The following NTN1 variants were observed in gnomAD, a reference collection of about 807,000 sequenced individuals.
NTN1 encodes the protein netrin 1.
In NTN1, 11 loss-of-function variants were observed where a neutral mutation model predicts 54.2. The ratio of observed to expected loss-of-function variants is 0.20; its 90% CI spans 0.13 to 0.34. NTN1 has a LOEUF of 0.34. NTN1 is among the 10% of genes least tolerant of loss of function. The pLI, the probability that NTN1 is intolerant of heterozygous loss-of-function variation, is 1.00. For missense variants in NTN1, 740 were observed against 893.1 expected, an observed-to-expected ratio of 0.83 and a Z score of 2.18; for synonymous variants, 371 against 382.0, an observed-to-expected ratio of 0.97 and a Z score of 0.33.
At chr17:9,006,965 C>G in the NTN1 span, among the ~76,000 whole-genome samples, 1 of 152,264 alleles carries the variant, frequency 6.6e-6, no homozygotes, top group African/African-American at 2.4e-5. Context: ...CCACCGCCAT[C>G]ATGGCCTCAC....
Position 9,223,358 on chromosome 17 carries a change from C to T in NTN1, c.1486+2116C>T, listed in dbSNP as rs183130030. On this transcript the variant is annotated intron_variant, in intron 6 of 6. Coordinates refer to ENST00000173229, the MANE Select transcript of NTN1 (RefSeq NM_004822.3). ...CCTGAGGGTGAATATTTGAGACCAG[C>T]CTGGCCAACATGATGAAACCTGGTC... is the stretch of plus-strand genomic sequence containing the variant. 9.2e-5 allele frequency among the ~76,000 whole-genome samples: 14 copies of T among 152,190 alleles called. No homozygotes were observed. The East Asian group carries it at 2.7e-3, about 29-fold the overall frequency.
At chr17:9,106,472 CCTTCCTTCCTTCCTTCCTT>C (rs1567711909) in intron 2 of NTN1, among the ~76,000 whole-genome samples, 626 of 16,796 alleles carry the variant, frequency 0.037, 7 homozygotes, top group East Asian at 0.21. Context: ...TTCCTCCCTT[CCTTCCTTCCTTCCTTCCTT>C]CCTTCCTTCC....
At chr17:9,146,769 C>T (rs537812305) in intron 2 of NTN1, among the ~76,000 whole-genome samples, 1 of 152,202 alleles carries the variant, frequency 6.6e-6, no homozygotes, top group African/African-American at 2.4e-5. Flanking sequence ...GGGGCTAACT[C>T]GCCGCAGGAC....
At chr17:9,044,360 A>G (rs1032963612) in intron 2 of NTN1, among the ~76,000 whole-genome samples, 3 of 151,776 alleles carry the variant, frequency 2.0e-5, no homozygotes, top group African/African-American at 4.8e-5. Flanking sequence ...TCAGCCTCCC[A>G]AATAGCTGGG....
In NTN1 at chr17:9,126,748, G is replaced by A. The variant is rs552466731; in HGVS notation, c.1019-36065G>A. 8.5e-5 allele frequency among the ~76,000 whole-genome samples: 13 copies of A among 152,222 alleles called. No homozygotes were observed. In the South Asian group the frequency reaches 2.5e-3, roughly 29 times the overall value. The stretch of plus-strand genomic sequence containing the variant: ...AACAGGTGGGAATCAGCGGAGTCAA[G>A]CACAGATAGAGGGAACAAACCAGGT... On this transcript the variant is annotated intron_variant, in intron 2 of 6. Coordinates refer to ENST00000173229, the MANE Select transcript of NTN1 (RefSeq NM_004822.3).
intron 2 of NTN1, among the ~76,000 whole-genome samples, chr17:9,078,251 T>C (rs1429208775): frequency 6.6e-6 from 1 of 152,172 alleles, no homozygotes; most frequent in Non-Finnish European, 1.5e-5. Context: ...TAAGCTGTGA[T>C]TAAGCAATGG....
intron 2 of NTN1, among the ~76,000 whole-genome samples, chr17:9,076,618 T>G (rs918215893): frequency 6.6e-6 from 1 of 152,126 alleles, no homozygotes; most frequent in African/African-American, 2.4e-5. Context: ...TCAAGTGATC[T>G]TCTCACCTCA....
intron 6 of NTN1, among the ~76,000 whole-genome samples, chr17:9,226,549 CTG>C (rs1491244036): frequency 2.0e-5 from 3 of 150,616 alleles, no homozygotes; most frequent in Non-Finnish European, 4.4e-5. Flanking sequence ...CGTGGGGAGG[CTG>C]TCTCAGGTCA....
At chr17:9,198,505 T>G (rs913523959) in intron 5 of NTN1, among the ~76,000 whole-genome samples, 1 of 152,124 alleles carries the variant, frequency 6.6e-6, no homozygotes, top group African/African-American at 2.4e-5. Flanking sequence ...CTGCTATACT[T>G]GGTAGGTGAT....
chr17:9,051,821 C>T (rs927387717), intron 2 of NTN1, among the ~76,000 whole-genome samples: 1 of 152,150 alleles, frequency 6.6e-6, no homozygotes, highest in Admixed American at 6.5e-5. Flanking sequence ...ATTTTGTACC[C>T]TTTGACCAGT....
chr17:9,094,988 CAAAAAA>C (rs71135941), intron 2 of NTN1, among the ~76,000 whole-genome samples: 13 of 99,914 alleles, frequency 1.3e-4, no homozygotes, highest in Admixed American at 2.2e-4. Context: ...GACTCCGTCT[CAAAAAA>C]AAAAAAAAAA....
intron 5 of NTN1, among the ~76,000 whole-genome samples, chr17:9,196,661 G>C (rs528714794): frequency 6.6e-5 from 10 of 152,366 alleles, no homozygotes; most frequent in African/African-American, 1.9e-4. Flanking sequence ...GGCCAGTGGG[G>C]CATTGCCCCT....
chr17:9,215,115 G>GAAA (rs1198553857), intron 5 of NTN1, among the ~76,000 whole-genome samples: 1 of 152,156 alleles, frequency 6.6e-6, no homozygotes, highest in Non-Finnish European at 1.5e-5. Context: ...AATCGAGCAT[G>GAAA]AAATAGCATT....
At chr17:9,026,398 G>A (rs1567693111) in intron 2 of NTN1, among the ~76,000 whole-genome samples, 1 of 149,540 alleles carries the variant, frequency 6.7e-6, no homozygotes, top group African/African-American at 2.5e-5. Context: ...TTCCGGGGGG[G>A]GGGAACAAAC....
chr17:9,032,800 G>A (rs1310933943), intron 2 of NTN1, among the ~76,000 whole-genome samples: 1 of 152,040 alleles, frequency 6.6e-6, no homozygotes, highest in African/African-American at 2.4e-5. Flanking sequence ...CTCAGAGGTG[G>A]GCAGGTCGAT....
rs977408944 is a variant in NTN1 at position 9,121,122 on chromosome 17, G to C, written c.1019-41691G>C. On this transcript the variant is annotated intron_variant, in intron 2 of 6. Coordinates refer to ENST00000173229, the MANE Select transcript of NTN1 (RefSeq NM_004822.3). Reference sequence around the variant, plus strand: ...AGAAGGAAGCGGATGGCCCTGTCGGGGGGAGAGCTGGATGTCATCATTAAA... The same window carrying C: ...AGAAGGAAGCGGATGGCCCTGTCGGCGGGAGAGCTGGATGTCATCATTAAA... Among the ~76,000 whole-genome samples, 4 of 152,102 alleles carry C rather than the reference G, an allele frequency of 2.6e-5. No individual in the cohort carries two copies. The East Asian group carries it at 5.8e-4, about 22-fold the overall frequency.
At chr17:9,099,171 A>G (rs747367445) in intron 2 of NTN1, among the ~76,000 whole-genome samples, 2 of 152,246 alleles carry the variant, frequency 1.3e-5, no homozygotes, top group African/African-American at 2.4e-5. Flanking sequence ...TGGGAGGCTG[A>G]GGCGGGTGGA....
intron 5 of NTN1, among the ~76,000 whole-genome samples, chr17:9,190,877 C>T (rs1904435256): frequency 6.6e-6 from 1 of 151,896 alleles, no homozygotes; most frequent in South Asian, 2.1e-4. Context: ...TAGAAACATA[C>T]TCAAATGTAA....
chr17:9,130,386 T>C (rs572435992), intron 2 of NTN1, among the ~76,000 whole-genome samples: 1 of 152,196 alleles, frequency 6.6e-6, no homozygotes, highest in East Asian at 1.9e-4. Context: ...CAGGGAATGA[T>C]GCACCTGTTC....
Sources: gnomAD v4.1 joint callset for allele counts (sites outside exome capture counted in the v4.1 genomes callset) on GRCh38, gnomAD v4.1.1 for gene constraint, MANE v1.5 for transcripts, NCBI Gene and HGNC (gene_info 2026-07-23, HGNC 2026-07-21) for gene names.